COLEC12: variants seen among roughly 807,000 people sequenced by gnomAD.
COLEC12 encodes collectin subfamily member 12, also known as collectin-12.
Under a neutral mutation model 71.1 loss-of-function variants are expected in COLEC12, and 33 were observed. The observed-to-expected ratio is 0.46, with a 90% CI of 0.35 to 0.62. The LOEUF (loss-of-function observed/expected upper bound fraction) is 0.62, where lower values mean the gene tolerates loss of function less well. Ranked by LOEUF, COLEC12 falls within the 20% of genes least tolerant of loss-of-function variation. The pLI is 0.00. For synonymous variants in COLEC12, 350 were observed against 353.0 expected (o/e 0.99, Z 0.10); for missense variants, 765 against 916.1 (o/e 0.84, Z 2.13).
chr18:439,453 A>T (rs1013809967), intron 2 of COLEC12, among the ~76,000 whole-genome samples: 2 of 151,672 alleles, frequency 1.3e-5, no homozygotes, highest in Non-Finnish European at 2.9e-5. Context: ...AATATACACA[A>T]CAAACCAAAT....
intron 2 of COLEC12, among the ~76,000 whole-genome samples, chr18:468,194 G>A (rs1979429): frequency 0.35 from 53,085 of 150,816 alleles, 10,864 homozygotes; most frequent in South Asian, 0.6. Context: ...CCCGGTAGGC[G>A]GAGGTTGCAG....
intron 2 of COLEC12, among the ~76,000 whole-genome samples, chr18:464,947 T>C (rs955168796): frequency 4.6e-5 from 7 of 152,178 alleles, no homozygotes; most frequent in Admixed American, 2.6e-4. Context: ...TCTCCAAAGC[T>C]CAGGTTCTAG....
chr18:339,201 C>A (rs1019173386), intron 5 of COLEC12, among the ~76,000 whole-genome samples: 3 of 152,270 alleles, frequency 2.0e-5, no homozygotes, highest in African/African-American at 7.2e-5. Context: ...TCCAAAGATA[C>A]AACTCTCCCT....
intron 2 of COLEC12, among the ~76,000 whole-genome samples, chr18:412,835 T>C (rs954087221): frequency 6.6e-5 from 10 of 152,054 alleles, no homozygotes; most frequent in Admixed American, 3.9e-4. Flanking sequence ...GAAACCACTA[T>C]AGATATATCA....
At chr18:476,747 C>A (rs1253762437) in intron 2 of COLEC12, among the ~76,000 whole-genome samples, 1 of 152,164 alleles carries the variant, frequency 6.6e-6, no homozygotes, top group Non-Finnish European at 1.5e-5. Context: ...AATAAATAGA[C>A]AAATATCACT....
At chr18:400,881 T>TGC (rs1039240309) in intron 2 of COLEC12, among the ~76,000 whole-genome samples, 22 of 152,198 alleles carry the variant, frequency 1.4e-4, no homozygotes, top group African/African-American at 5.3e-4. Context: ...TGTGTGTGTG[T>TGC]GTGTGTGTTT....
At chr18:414,847 TGATTA>T (rs1915957828) in intron 2 of COLEC12, among the ~76,000 whole-genome samples, 1 of 152,202 alleles carries the variant, frequency 6.6e-6, no homozygotes, top group Non-Finnish European at 1.5e-5. Flanking sequence ...CTAGAACTGC[TGATTA>T]AGGTCCAGTA....
intron 2 of COLEC12, among the ~76,000 whole-genome samples, chr18:369,554 G>C (rs767438627): frequency 1.3e-5 from 2 of 151,430 alleles, no homozygotes; most frequent in Non-Finnish European, 2.9e-5. Flanking sequence ...ACCCACTAAC[G>C]TGTCATCTAG....
At chr18:425,713 G>A (rs955947924) in intron 2 of COLEC12, among the ~76,000 whole-genome samples, 2 of 152,220 alleles carry the variant, frequency 1.3e-5, no homozygotes, top group African/African-American at 4.8e-5. Flanking sequence ...ATGTGGGTGA[G>A]TGAATATTGG....
intron 8 of COLEC12, among the ~76,000 whole-genome samples, chr18:323,006 CCT>C (rs1219960373): frequency 3.9e-5 from 6 of 152,200 alleles, no homozygotes; most frequent in Non-Finnish European, 8.8e-5. Context: ...AGATGGATCA[CCT>C]GAGGTCAGGA....
At chr18:436,814 G>A (rs1178512384) in intron 2 of COLEC12, among the ~76,000 whole-genome samples, 1 of 151,966 alleles carries the variant, frequency 6.6e-6, no homozygotes, top group African/African-American at 2.4e-5. Flanking sequence ...GCCAAGTTTC[G>A]AGGCCAAGGT....
chr18:348,292 A>G (rs906531139), intron 3 of COLEC12, 129 bp from the exon 4 acceptor site: 39 of 560,208 alleles, frequency 7.0e-5, no homozygotes, highest in Non-Finnish European at 1.2e-4. Flanking sequence ...AACTGAAATC[A>G]AATATAGGAA....
intron 5 of COLEC12, among the ~76,000 whole-genome samples, chr18:339,337 T>C (rs17548440): frequency 0.22 from 33,430 of 152,108 alleles, 3,888 homozygotes; most frequent in South Asian, 0.32. Flanking sequence ...GAAGTGGCTA[T>C]TGAATCTCCC....
chr18:441,465 A>G (rs1462685138), intron 2 of COLEC12, among the ~76,000 whole-genome samples: 1 of 152,094 alleles, frequency 6.6e-6, no homozygotes, highest in African/African-American at 2.4e-5. Flanking sequence ...TGCTGAGTAC[A>G]TAATGGTGCG....
intron 2 of COLEC12, among the ~76,000 whole-genome samples, chr18:360,872 CCTTT>C (rs1437199979): frequency 6.6e-6 from 1 of 152,150 alleles, no homozygotes; most frequent in East Asian, 1.9e-4. Flanking sequence ...CCCTCCCCTT[CCTTT>C]CTGTCTTACT....
chr18:444,271 ACTGT>A (rs1916603187), intron 2 of COLEC12, among the ~76,000 whole-genome samples: 1 of 152,146 alleles, frequency 6.6e-6, no homozygotes, highest in African/African-American at 2.4e-5. Context: ...TTATAAATTA[ACTGT>A]CTCTTTTTCA....
At chr18:478,782 T>A (rs1469367327) in intron 2 of COLEC12, among the ~76,000 whole-genome samples, 3 of 152,206 alleles carry the variant, frequency 2.0e-5, no homozygotes, top group African/African-American at 7.2e-5. Context: ...GTTTCCCATT[T>A]TAATTTCGTC....
intron 2 of COLEC12, among the ~76,000 whole-genome samples, chr18:371,963 T>G (rs1915009434): frequency 6.6e-6 from 1 of 152,212 alleles, no homozygotes; most frequent in African/African-American, 2.4e-5. Flanking sequence ...TGAGTTCTGA[T>G]GCAGGCACTG....
At chr18:436,025 C>T (rs1916396595) in intron 2 of COLEC12, among the ~76,000 whole-genome samples, 1 of 152,172 alleles carries the variant, frequency 6.6e-6, no homozygotes. Context: ...GAATCTGTGA[C>T]TAATGGGCAT....
Sources: gnomAD v4.1 joint callset for allele counts (sites outside exome capture counted in the v4.1 genomes callset) on GRCh38, gnomAD v4.1.1 for gene constraint, MANE v1.5 for transcripts, NCBI Gene and HGNC (gene_info 2026-07-23, HGNC 2026-07-21) for gene names.